NKAIN3: variants seen among roughly 807,000 people sequenced by gnomAD.
NKAIN3 encodes sodium/potassium-transporting ATPase subunit beta-1-interacting protein 3.
A neutral mutation model predicts 30.2 loss-of-function variants in NKAIN3; 25 were observed. The ratio of observed to expected loss-of-function variants is 0.83; its 90% CI spans 0.60 to 1.16. The LOEUF is 1.16. NKAIN3 is among the 50% of genes most tolerant of loss of function. The pLI, the probability that NKAIN3 is intolerant of heterozygous loss-of-function variation, is 0.00. For synonymous variants in NKAIN3, 91 were observed against 89.6 expected (o/e 1.02, Z -0.09); for missense variants, 225 against 254.1 (o/e 0.89, Z 0.78).
In NKAIN3 at chr8:62,870,983, C is replaced by T. The variant is rs116281050; in HGVS notation, c.472-47470C>T. On this transcript the variant is annotated intron_variant, in intron 4 of 6. Transcript: ENST00000623646. The stretch of plus-strand genomic sequence containing the variant: ...AAGATCATACTGGGAAAACCAGACT[C>T]AAAGACTGACTGTTTCAGTCTTATT... 5.8e-3 allele frequency among the ~76,000 whole-genome samples: 884 copies of T among 151,972 alleles called. 6 individuals are homozygous for T. Among genetic ancestry groups the T allele is most frequent in the African/African-American group, 0.02 (838 of 41,456 alleles).
chr8:62,500,295 T>C (rs1807384660), intron 1 of NKAIN3, among the ~76,000 whole-genome samples: 1 of 152,088 alleles, frequency 6.6e-6, no homozygotes, highest in African/African-American at 2.4e-5. Flanking sequence ...TCAAGATTTC[T>C]TTTGGCAGTT....
At chr8:62,262,503 C>G (rs1037573763) in intron 1 of NKAIN3, among the ~76,000 whole-genome samples, 2 of 152,146 alleles carry the variant, frequency 1.3e-5, no homozygotes, top group Admixed American at 1.3e-4. Flanking sequence ...TTGGGAAACT[C>G]TTCCTTGGCC....
rs188934056 is a variant in NKAIN3, at chr8:62,983,538, G to T, written c.*18131G>T. 32 of 152,292 alleles carry T rather than the reference G, an allele frequency of 2.1e-4. No individual in the cohort carries two copies. Among genetic ancestry groups the T allele is most frequent in the African/African-American group, 7.5e-4 (31 of 41,556 alleles). 9.4% of individuals were successfully genotyped at this position (152,292 alleles called of 1,614,324 possible). A position where few individuals can be genotyped will look rare whatever the true frequency, so the allele number is the denominator to read the frequency against. The stretch of plus-strand genomic sequence containing the variant: ...AATCAAATTCACATTTTAATTTAGG[G>T]AGTTTAGGAGATACATCCTAGTGTG... On this transcript the variant is annotated 3_prime_UTR_variant, in exon 7 of 7. Transcript: ENST00000623646.
At chr8:62,381,495 T>C (rs1053327102) in intron 1 of NKAIN3, among the ~76,000 whole-genome samples, 16 of 151,912 alleles carry the variant, frequency 1.1e-4, no homozygotes, top group Admixed American at 6.6e-5. Context: ...ACTTCTGATA[T>C]ACATATATAT....
chr8:62,426,163 GC>G lies in NKAIN3; in HGVS notation c.55-153375del, dbSNP rs1306934333. ...TTGGGAGTCTATATTAAAAATCTTG[GC>G]ATTGAGAAAGGATAATGAGAACAGG... is the stretch of plus-strand genomic sequence containing the variant. On this transcript the variant is annotated intron_variant, in intron 1 of 6. Transcript: ENST00000623646. Among the ~76,000 whole-genome samples the G allele has an allele frequency of 4.0e-5, 6 of 151,886 alleles. No individual in the cohort carries two copies. In the East Asian group the frequency reaches 1.2e-3, roughly 29 times the overall value.
intron 1 of NKAIN3, among the ~76,000 whole-genome samples, chr8:62,395,201 G>A (rs878976143): frequency 6.6e-6 from 1 of 151,296 alleles, no homozygotes; most frequent in African/African-American, 2.4e-5. Flanking sequence ...GGGCAGCAGC[G>A]CCCCTCACTT....
intron 3 of NKAIN3, among the ~76,000 whole-genome samples, chr8:62,730,425 C>G (rs1257139224): frequency 6.6e-6 from 1 of 151,938 alleles, no homozygotes; most frequent in Non-Finnish European, 1.5e-5. Context: ...AATTTTTAAA[C>G]TGGGTGCTCA....
At chr8:62,856,979 T>A (rs759635376) in intron 4 of NKAIN3, 11 of 534,436 alleles carry the variant, frequency 2.1e-5, no homozygotes, top group Non-Finnish European at 4.0e-5. Context: ...AAACAAACTA[T>A]CTCTTCCTGA....
intron 5 of NKAIN3, among the ~76,000 whole-genome samples, chr8:62,995,413 A>C (rs1804089196): frequency 6.6e-6 from 1 of 152,230 alleles, no homozygotes; most frequent in Admixed American, 6.5e-5. Context: ...GAATCCACAC[A>C]GTGGTATAGA....
At chr8:62,410,485 T>C (rs1337005871) in intron 1 of NKAIN3, among the ~76,000 whole-genome samples, 1 of 152,150 alleles carries the variant, frequency 6.6e-6, no homozygotes, top group Non-Finnish European at 1.5e-5. Context: ...AGTAATGGGA[T>C]TGCTGGGTTA....
intron 1 of NKAIN3, among the ~76,000 whole-genome samples, chr8:62,356,079 C>T (rs1334891522): frequency 6.6e-6 from 1 of 152,172 alleles, no homozygotes; most frequent in Non-Finnish European, 1.5e-5. Context: ...CTTTGCCCCA[C>T]TTTCTATCAA....
chr8:62,666,039 C>A (rs1813088144), intron 3 of NKAIN3, among the ~76,000 whole-genome samples: 1 of 152,008 alleles, frequency 6.6e-6, no homozygotes, highest in Admixed American at 6.6e-5. Context: ...GATGGTGAAA[C>A]CCCGTCTCTA....
chr8:62,806,974 A>G (rs1018289232), intron 4 of NKAIN3, among the ~76,000 whole-genome samples: 3 of 152,208 alleles, frequency 2.0e-5, no homozygotes, highest in South Asian at 2.1e-4. Context: ...GATGAACAAC[A>G]TGGTCCACTG....
At chr8:62,692,130 C>T (rs1309271265) in intron 3 of NKAIN3, among the ~76,000 whole-genome samples, 1 of 152,128 alleles carries the variant, frequency 6.6e-6, no homozygotes, top group African/African-American at 2.4e-5. Flanking sequence ...CCACTTGAAG[C>T]CTAGTCTTGA....
At chr8:62,529,420 A>T (rs989661077) in intron 1 of NKAIN3, among the ~76,000 whole-genome samples, 1 of 152,172 alleles carries the variant, frequency 6.6e-6, no homozygotes, top group Non-Finnish European at 1.5e-5. Context: ...AAATTCAGAC[A>T]TTGAAATCCT....
At chr8:62,787,774 G>A (rs1001794911) in intron 4 of NKAIN3, among the ~76,000 whole-genome samples, 1 of 152,022 alleles carries the variant, frequency 6.6e-6, no homozygotes, top group African/African-American at 2.4e-5. Context: ...GTGAGAACAT[G>A]TGGTGTTTGG....
intron 4 of NKAIN3, among the ~76,000 whole-genome samples, chr8:62,771,689 T>TTTGTCACA (rs1817016522): frequency 6.6e-6 from 1 of 152,084 alleles, no homozygotes; most frequent in Non-Finnish European, 1.5e-5. Flanking sequence ...AAACCTCAGG[T>TTTGTCACA]AGGATAAACA....
intron 1 of NKAIN3, among the ~76,000 whole-genome samples, chr8:62,375,020 C>G (rs1289109224): frequency 6.6e-6 from 1 of 152,182 alleles, no homozygotes; most frequent in African/African-American, 2.4e-5. Flanking sequence ...TGTAAATGCT[C>G]TGTTCCCCTA....
At chr8:62,505,941 C>A (rs1421958581) in intron 1 of NKAIN3, among the ~76,000 whole-genome samples, 1 of 152,016 alleles carries the variant, frequency 6.6e-6, no homozygotes, top group East Asian at 1.9e-4. Flanking sequence ...TGTTTCCCTT[C>A]TTTTTTTAGC....
Sources: allele counts gnomAD v4.1 joint callset (sites outside exome capture counted in the v4.1 genomes callset), GRCh38; gene constraint gnomAD v4.1.1; transcripts MANE v1.5; gene names NCBI Gene and HGNC (gene_info 2026-07-23, HGNC 2026-07-21).